The following ISG20 variants were observed in gnomAD, a reference collection of about 807,000 sequenced individuals.
ISG20 encodes interferon stimulated exonuclease gene 20.
In ISG20, 8 loss-of-function variants were observed where a neutral mutation model predicts 11.1. That is an observed-to-expected ratio of 0.72 (90% CI 0.42 to 1.30). The LOEUF (loss-of-function observed/expected upper bound fraction) is 1.30. ISG20 is among the 50% of genes most tolerant of loss of function. The pLI, the probability that ISG20 is intolerant of heterozygous loss-of-function variation, is 0.01. For synonymous variants in ISG20, 110 were observed against 101.7 expected, an observed-to-expected ratio of 1.08 and a Z score of -0.49; for missense variants, 243 against 250.2, an observed-to-expected ratio of 0.97 and a Z score of 0.19.
At chr15:88,636,410 G>A (rs1396105711), upstream of ISG20, 1 of 152,254 alleles carries the variant, frequency 6.6e-6, no homozygotes, top group Non-Finnish European at 1.5e-5. Context: ...CAGTTCAGCT[G>A]GACCCAGGCA....
Position 88,650,127 on chromosome 15 carries a change from A to T in ISG20, c.229-1983A>T. 1.1e-6 allele frequency: 1 copy of T among 877,364 alleles called. No homozygotes were observed. Among genetic ancestry groups the T allele is most frequent in the Non-Finnish European group, 1.8e-6 (1 of 547,758 alleles). 54.3% of individuals were successfully genotyped at this position (877,364 alleles called of 1,614,324 possible). On this transcript the variant is annotated intron_variant, in intron 2 of 3. Coordinates refer to ENST00000306072, the MANE Select transcript of ISG20 (RefSeq NM_002201.6). This position sits in a 1 kb window ranked among gnomAD's most constrained non-coding sequence, Gnocchi z 4.0. ...GGTGTACAGGCTAAGGTCGTGGGCT[A>T]CATGCAGAGAAGGAGACGAAGGCTG... is the stretch of plus-strand genomic sequence containing the variant.
At chr15:88,649,601 T>C in intron 2 of ISG20, 1 of 153,750 alleles carries the variant, frequency 6.5e-6, no homozygotes, top group Non-Finnish European at 1.4e-5. Flanking sequence ...CCCACATCTC[T>C]CCACGCCCCG....
chr15:88,635,798 C>G (rs1369354870), upstream of ISG20, among the ~76,000 whole-genome samples: 3 of 152,108 alleles, frequency 2.0e-5, no homozygotes, highest in African/African-American at 7.3e-5. Flanking sequence ...TTTATACATT[C>G]ATGACATAAG....
intron 2 of ISG20, among the ~76,000 whole-genome samples, chr15:88,646,320 G>A (rs78486627): frequency 0.047 from 7,177 of 152,272 alleles, 402 homozygotes; most frequent in African/African-American, 0.14. Context: ...CCATTTTACA[G>A]ATGAGGAAAC....
chr15:88,639,527 C>G lies in ISG20; in HGVS notation c.161C>G (p.Thr54Ser). ...RPEGEITDYR[T>S]RVSGVTPQHM... ...GAGGGAGAGATCACCGATTACAGAA[C>G]CCGGGTCAGCGGGGTCACCCCTCAG... Residue 54 changes from threonine (T) to serine (S), a missense_variant, in exon 2 of 4, where the codon ACC becomes AGC. Coordinates refer to ENST00000306072, the MANE Select transcript of ISG20 (RefSeq NM_002201.6). This position sits in a 1 kb window ranked among gnomAD's most constrained non-coding sequence, Gnocchi z 4.2. The G allele has an allele frequency of 6.2e-7, 1 of 1,614,160 alleles. No homozygotes were observed. The highest frequency in any genetic ancestry group is 8.5e-7 in the Non-Finnish European group (1 of 1,180,012).
At chr15:88,636,619 G>T (rs1327293417), upstream of ISG20, among the ~76,000 whole-genome samples, 1 of 152,156 alleles carries the variant, frequency 6.6e-6, no homozygotes, top group African/African-American at 2.4e-5. Flanking sequence ...CACTGTCATA[G>T]CCTCAAACTC....
intron 2 of ISG20, among the ~76,000 whole-genome samples, chr15:88,645,110 T>G (rs1429140324): frequency 6.6e-6 from 1 of 152,186 alleles, no homozygotes; most frequent in African/African-American, 2.4e-5. Context: ...CACTGAACGA[T>G]GAGGCAGGGG....
In ISG20 at chr15:88,650,585, G is replaced by C. The variant is rs1435908854; in HGVS notation, c.229-1525G>C. On this transcript the variant is annotated intron_variant, in intron 2 of 3. Transcript: ENST00000306072. The surrounding 1 kb of genome is among the most constrained non-coding windows in gnomAD (Gnocchi z 4.0). ...ATTTCGCTCGGCCACCTGCAGTTTG[G>C]GCAGGTGCTCTGCAGCAGGACAGGC... 1.5e-6 allele frequency: 1 copy of C among 687,890 alleles called. No homozygotes were observed. Among genetic ancestry groups the C allele is most frequent in the East Asian group, 5.2e-5 (1 of 19,394 alleles). The allele number at this position is 687,890 out of a possible 1,614,324, so 42.6% of individuals were successfully genotyped here.
intron 2 of ISG20, among the ~76,000 whole-genome samples, chr15:88,640,181 A>G (rs2058056588): frequency 6.6e-6 from 1 of 152,202 alleles, no homozygotes; most frequent in African/African-American, 2.4e-5. Flanking sequence ...CTAAGTGGAA[A>G]GCAAAACTTA....
intron 3 of ISG20, among the ~76,000 whole-genome samples, chr15:88,654,631 C>T (rs369798784): frequency 2.0e-5 from 3 of 152,172 alleles, no homozygotes; most frequent in African/African-American, 7.2e-5. Flanking sequence ...CCTGTGTACT[C>T]GCCTCTGCAA....
At chr15:88,637,331 GATTTTTT>G (rs758831000), upstream of ISG20, 1 of 125,220 alleles carries the variant, frequency 8.0e-6, no homozygotes, top group Non-Finnish European at 1.8e-5. Context: ...GTTGAGGTTT[GATTTTTT>G]TTTTTTTTTT....
chr15:88,646,725 T>G (rs1397214206), intron 2 of ISG20, among the ~76,000 whole-genome samples: 1 of 152,212 alleles, frequency 6.6e-6, no homozygotes, highest in Non-Finnish European at 1.5e-5. Context: ...AGGTGACACC[T>G]CTCAGGTGAG....
rs758296604 is a variant in ISG20 at position 88,639,124 on chromosome 15, C to T, written c.-25+48C>T. ...CAGCTGGGGAGGCAGCGGGAGGGGC[C>T]TTCCCGGTCCCCAGGCTGCGGGGCA... On this transcript the variant is annotated intron_variant, in intron 1 of 3. Coordinates refer to ENST00000306072, the MANE Select transcript of ISG20 (RefSeq NM_002201.6). This position sits in a 1 kb window ranked among gnomAD's most constrained non-coding sequence, Gnocchi z 4.2. 1 of 565,560 alleles carries T rather than the reference C, an allele frequency of 1.8e-6. No homozygotes were observed. Among genetic ancestry groups the T allele is most frequent in the East Asian group, 2.9e-5 (1 of 34,198 alleles). The allele number at this position is 565,560 out of a possible 1,614,324, so 35.0% of individuals were successfully genotyped here.
chr15:88,650,192 C>A lies in ISG20; in HGVS notation c.229-1918C>A. ...AAAGTGGGCCTGGACTAGCCACGAG[C>A]CGCCCCTTTCCCTAATAGAGCTCAC... On this transcript the variant is annotated intron_variant, in intron 2 of 3. Coordinates refer to ENST00000306072, the MANE Select transcript of ISG20 (RefSeq NM_002201.6). The surrounding 1 kb of genome is among the most constrained non-coding windows in gnomAD (Gnocchi z 4.0). 1.3e-6 allele frequency: 2 copies of A among 1,505,172 alleles called. No homozygotes were observed. Among genetic ancestry groups the A allele is most frequent in the Non-Finnish European group, 1.8e-6 (2 of 1,119,352 alleles). The allele number at this position is 1,505,172 out of a possible 1,614,324, so 93.2% of individuals were successfully genotyped here.
intron 2 of ISG20, among the ~76,000 whole-genome samples, chr15:88,641,128 G>A (rs2058074120): frequency 6.6e-6 from 1 of 151,970 alleles, no homozygotes; most frequent in African/African-American, 2.4e-5. Context: ...AAGTAACTGG[G>A]ACTACAGGCA....
At chr15:88,635,808 G>C (rs377356683), upstream of ISG20, among the ~76,000 whole-genome samples, 184 of 152,246 alleles carry the variant, frequency 1.2e-3, 3 homozygotes, top group South Asian at 0.034. Context: ...CATGACATAA[G>C]TAGCTTCTTA....
rs752810937 is a variant in ISG20, at chr15:88,639,445, C to A, written c.79C>A (p.Arg27Ser). 5.0e-6 allele frequency: 8 copies of A among 1,614,136 alleles called. No individual in the cohort carries two copies. The highest frequency in any genetic ancestry group is 1.3e-5 in the African/African-American group (1 of 75,050). Residue 27 changes from arginine to serine, a missense_variant, in exon 2 of 4, where the codon CGT becomes AGT. Coordinates refer to ENST00000306072, the MANE Select transcript of ISG20 (RefSeq NM_002201.6). The surrounding 1 kb of genome is among the most constrained non-coding windows in gnomAD (Gnocchi z 4.2). ...GCCCCACCGGGAGAGTGGCCTGGCT[C>A]GTTGCAGCCTCGTGAACGTCCACGG... ...LGPHRESGLA[R>S]CSLVNVHGAV...
At position 88,652,151 on chromosome 15, in the gene ISG20, C is replaced by T; in HGVS notation, c.270C>T (p.Asp90=). ...AAGGCAAGCTGGTGGTGGGTCATGA[C>T]CTGAAGCACGACTTCCAGGCACTGA... ...LLKGKLVVGH[D]LKHDFQALKE... is the part of the protein sequence containing the mutation. Residue 90 remains aspartate (D), a synonymous_variant, in exon 3 of 4, where the codon GAC becomes GAT. Coordinates refer to ENST00000306072, the MANE Select transcript of ISG20 (RefSeq NM_002201.6). The T allele has an allele frequency of 6.2e-7, 1 of 1,614,056 alleles. No individual in the cohort carries two copies.
intron 2 of ISG20, among the ~76,000 whole-genome samples, chr15:88,644,589 G>A (rs1001463258): frequency 2.0e-5 from 3 of 151,026 alleles, no homozygotes; most frequent in African/African-American, 7.3e-5. Context: ...CTAGGGAGCA[G>A]TTACAAGGGC....
Sources: allele counts gnomAD v4.1 joint callset (sites outside exome capture counted in the v4.1 genomes callset), GRCh38; gene constraint gnomAD v4.1.1; non-coding constraint Gnocchi (gnomAD v3.1); transcripts MANE v1.5; gene names NCBI Gene and HGNC (gene_info 2026-07-23, HGNC 2026-07-21).